ST8SIA6: variants seen among roughly 807,000 people sequenced by gnomAD.
ST8SIA6 encodes alpha-2,8-sialyltransferase 8F.
Under a neutral mutation model 33.6 loss-of-function variants are expected in ST8SIA6, and 39 were observed. The observed-to-expected ratio is 1.16, with a 90% CI of 0.90 to 1.52. The LOEUF is 1.52. Ranked by LOEUF, ST8SIA6 falls within the 40% of genes most tolerant of loss-of-function variation. ST8SIA6 has a pLI of 0.00. For synonymous variants in ST8SIA6, 172 were observed against 167.2 expected (o/e 1.03, Z -0.22); for missense variants, 441 against 443.8 (o/e 0.99, Z 0.06).
chr10:17,406,420 G>A (rs993654434), intron 2 of ST8SIA6, among the ~76,000 whole-genome samples: 10 of 152,128 alleles, frequency 6.6e-5, no homozygotes, highest in Admixed American at 1.3e-4. Context: ...ACTTCTCTGA[G>A]CTGTATTGTT....
At chr10:17,440,053 G>C (rs1206036121) in intron 2 of ST8SIA6, among the ~76,000 whole-genome samples, 3 of 152,174 alleles carry the variant, frequency 2.0e-5, no homozygotes, top group African/African-American at 4.8e-5. Context: ...ACAGCAATTT[G>C]AATGGGGTAT....
At chr10:17,335,581 G>T (rs1848473219) in intron 4 of ST8SIA6, among the ~76,000 whole-genome samples, 1 of 152,054 alleles carries the variant, frequency 6.6e-6, no homozygotes. Flanking sequence ...ATTGGATTCT[G>T]TCACCCACTT....
At chr10:17,354,156 C>A (rs965973435) in intron 4 of ST8SIA6, among the ~76,000 whole-genome samples, 1 of 152,152 alleles carries the variant, frequency 6.6e-6, no homozygotes, top group South Asian at 2.1e-4. Flanking sequence ...GTTTCCAGAG[C>A]TTCACAAAGA....
intron 2 of ST8SIA6, among the ~76,000 whole-genome samples, chr10:17,422,899 A>G (rs1851821763): frequency 6.6e-6 from 1 of 152,266 alleles, no homozygotes; most frequent in African/African-American, 2.4e-5. Flanking sequence ...AATGATAGAA[A>G]GGATAGAAAT....
At chr10:17,339,405 G>A (rs1283529723) in intron 4 of ST8SIA6, among the ~76,000 whole-genome samples, 3 of 152,106 alleles carry the variant, frequency 2.0e-5, no homozygotes, top group African/African-American at 7.2e-5. Context: ...CACTTTCCAG[G>A]TATTGATAAA....
At chr10:17,355,823 C>G (rs960004332) in intron 4 of ST8SIA6, among the ~76,000 whole-genome samples, 1 of 152,142 alleles carries the variant, frequency 6.6e-6, no homozygotes, top group Admixed American at 6.5e-5. Context: ...TGAAATTATC[C>G]TCTTTATCTT....
intron 2 of ST8SIA6, among the ~76,000 whole-genome samples, chr10:17,402,380 A>C (rs929512120): frequency 3.3e-5 from 5 of 152,192 alleles, no homozygotes; most frequent in African/African-American, 1.2e-4. Flanking sequence ...GCAATTCCTT[A>C]AGGTTCTAGA....
chr10:17,412,586 C>G (rs1233507108), intron 2 of ST8SIA6, among the ~76,000 whole-genome samples: 1 of 152,220 alleles, frequency 6.6e-6, no homozygotes, highest in African/African-American at 2.4e-5. Context: ...GGGAGCCAGT[C>G]ACTGCTACAT....
chr10:17,392,233 C>T lies in ST8SIA6; in HGVS notation c.201-1613G>A, dbSNP rs56241846. On this transcript the variant is annotated intron_variant, in intron 2 of 7. Coordinates refer to ENST00000377602, the MANE Select transcript of ST8SIA6 (RefSeq NM_001004470.3). Reference sequence around the variant, plus strand: ...GAACCGTGATTGGTTATGGTTGAACCAGAGTAGGTGGCTCAGAAGAGTAGG... The same window carrying T: ...GAACCGTGATTGGTTATGGTTGAACTAGAGTAGGTGGCTCAGAAGAGTAGG... Among the ~76,000 whole-genome samples, 35 of 152,208 alleles carry T rather than the reference C, an allele frequency of 2.3e-4. No homozygotes were observed. The South Asian group carries it at 5.4e-3, about 23-fold the overall frequency.
At chr10:17,379,051 G>A (rs113531575) in intron 3 of ST8SIA6, among the ~76,000 whole-genome samples, 41 of 151,932 alleles carry the variant, frequency 2.7e-4, no homozygotes, top group African/African-American at 9.4e-4. Flanking sequence ...GCTTGAACCC[G>A]GGAGGCAGTG....
intron 3 of ST8SIA6, among the ~76,000 whole-genome samples, chr10:17,366,078 G>C (rs1031283499): frequency 5.3e-5 from 8 of 152,170 alleles, no homozygotes; most frequent in African/African-American, 1.7e-4. Context: ...CTCTTTAAAG[G>C]AATAGCTAAT....
chr10:17,413,030 C>G (rs17445734), intron 2 of ST8SIA6, among the ~76,000 whole-genome samples: 2,057 of 152,136 alleles, frequency 0.014, 26 homozygotes, highest in Non-Finnish European at 0.022. Context: ...ACCTGTAAAT[C>G]CATATAAGTG....
intron 3 of ST8SIA6, among the ~76,000 whole-genome samples, chr10:17,360,912 G>A (rs10904938): frequency 0.036 from 3,524 of 98,292 alleles, 112 homozygotes; most frequent in East Asian, 0.22. Flanking sequence ...AAGAAGAAGA[G>A]GAAGAAGGGA....
At chr10:17,328,725 C>G (rs1848210520) in intron 5 of ST8SIA6, among the ~76,000 whole-genome samples, 2 of 152,208 alleles carry the variant, frequency 1.3e-5, no homozygotes, top group African/African-American at 4.8e-5. Flanking sequence ...GCTCTCCCAC[C>G]TTCTCACTAG....
At position 17,421,863 on chromosome 10, in the gene ST8SIA6, G is replaced by A. The variant is rs548404967; in HGVS notation, c.201-31243C>T. Among the ~76,000 whole-genome samples the A allele has an allele frequency of 1.8e-4, 27 of 152,246 alleles. No individual in the cohort carries two copies. The South Asian group carries it at 2.9e-3, about 16-fold the overall frequency. On this transcript the variant is annotated intron_variant, in intron 2 of 7. Coordinates refer to ENST00000377602, the MANE Select transcript of ST8SIA6 (RefSeq NM_001004470.3). The stretch of plus-strand genomic sequence containing the variant: ...ATAATAGGCAGGTGCCACTGTGCCC[G>A]GCCTTCAATTTTATTTCCTTTTGAT...
intron 4 of ST8SIA6, among the ~76,000 whole-genome samples, chr10:17,345,745 A>G (rs577725456): frequency 1.3e-5 from 2 of 152,302 alleles, no homozygotes; most frequent in African/African-American, 4.8e-5. Context: ...GGTCTTATTT[A>G]TGGAAGTGAC....
chr10:17,399,391 A>T (rs1850949442), intron 2 of ST8SIA6, among the ~76,000 whole-genome samples: 1 of 152,218 alleles, frequency 6.6e-6, no homozygotes. Context: ...ATGCCATTTA[A>T]TTCAAAATAG....
chr10:17,362,797 C>T (rs1240880925), intron 3 of ST8SIA6, among the ~76,000 whole-genome samples: 1 of 151,792 alleles, frequency 6.6e-6, no homozygotes, highest in Admixed American at 6.6e-5. Flanking sequence ...CTGCAACCTC[C>T]GCCTCCCAGG....
chr10:17,423,532 A>G (rs959136036), intron 2 of ST8SIA6, among the ~76,000 whole-genome samples: 24 of 152,178 alleles, frequency 1.6e-4, no homozygotes, highest in African/African-American at 5.6e-4. Flanking sequence ...TAAATTAATA[A>G]TCTTCTCACA....
Sources: gnomAD v4.1 joint callset for allele counts (sites outside exome capture counted in the v4.1 genomes callset) on GRCh38, gnomAD v4.1.1 for gene constraint, MANE v1.5 for transcripts, NCBI Gene and HGNC (gene_info 2026-07-23, HGNC 2026-07-21) for gene names.